PTBP3: variants seen among roughly 807,000 people sequenced by gnomAD.
The protein encoded by PTBP3 is polypyrimidine tract binding protein 3, also known as polypyrimidine tract-binding protein 3.
A neutral mutation model predicts 58.7 loss-of-function variants in PTBP3; 20 were observed. That is an observed-to-expected ratio of 0.34 (90% CI 0.24 to 0.50). The LOEUF is 0.50. PTBP3 is among the 20% of genes least tolerant of loss of function. PTBP3 has a pLI of 0.98. For synonymous variants in PTBP3, 185 were observed against 219.8 expected (o/e 0.84, Z 1.40); for missense variants, 509 against 637.2 (o/e 0.80, Z 2.17).
At chr9:112,333,142 C>A (rs1478186711) in intron 1 of PTBP3, 5 of 1,243,256 alleles carry the variant, frequency 4.0e-6, no homozygotes, top group Non-Finnish European at 5.0e-6. Flanking sequence ...GAGCTGGGCT[C>A]CCCGGACTCG....
chr9:112,248,003 T>C (rs1835955172), intron 7 of PTBP3, among the ~76,000 whole-genome samples: 1 of 152,130 alleles, frequency 6.6e-6, no homozygotes, highest in African/African-American at 2.4e-5. Context: ...ATATTAACAA[T>C]AGGGCAATCT....
the PTBP3 span, among the ~76,000 whole-genome samples, chr9:112,370,706 G>A: frequency 6.6e-6 from 1 of 152,180 alleles, no homozygotes; most frequent in African/African-American, 2.4e-5. Context: ...TATTGAATTT[G>A]TAGATTGCTT....
intron 2 of PTBP3, among the ~76,000 whole-genome samples, chr9:112,279,964 T>C (rs1434470461): frequency 1.3e-5 from 2 of 152,228 alleles, no homozygotes; most frequent in African/African-American, 2.4e-5. Flanking sequence ...GAAATACAAC[T>C]GACTTTGATA....
At chr9:112,244,545 G>A (rs1835803352) in intron 7 of PTBP3, among the ~76,000 whole-genome samples, 1 of 151,910 alleles carries the variant, frequency 6.6e-6, no homozygotes, top group African/African-American at 2.4e-5. Context: ...AGAGCATGGT[G>A]ATGTGTGCCT....
At chr9:112,330,557 G>T in intron 1 of PTBP3, 1 of 873,456 alleles carries the variant, frequency 1.1e-6, no homozygotes, top group South Asian at 1.6e-5. Context: ...AAGAATAAAG[G>T]GGAAAAAGCA....
Position 112,220,254 on chromosome 9 carries a change from G to A in PTBP3, c.*3597C>T. On this transcript the variant is annotated 3_prime_UTR_variant, in exon 14 of 14. Coordinates refer to ENST00000374257, the MANE Select transcript of PTBP3 (RefSeq NM_001163788.4). ...GCTAAACATGTAAGCACTGCTGACT[G>A]ATGGCACGGAGACACTGAAAAGAAC... The A allele has an allele frequency of 7.4e-7, 1 of 1,343,886 alleles. No individual in the cohort carries two copies. Among genetic ancestry groups the A allele is most frequent in the Non-Finnish European group, 9.8e-7 (1 of 1,018,216 alleles). 83.2% of individuals were successfully genotyped at this position (1,343,886 alleles called of 1,614,324 possible).
At chr9:112,361,211 C>T in the PTBP3 span, among the ~76,000 whole-genome samples, 27 of 152,214 alleles carry the variant, frequency 1.8e-4, no homozygotes, top group African/African-American at 6.0e-4. Flanking sequence ...ATTCTCTTGC[C>T]TCAGCCTCCC....
chr9:112,301,927 G>A (rs2132333330), intron 1 of PTBP3, among the ~76,000 whole-genome samples: 1 of 152,168 alleles, frequency 6.6e-6, no homozygotes, highest in South Asian at 2.1e-4. Context: ...AGGACAACAG[G>A]TACTTCATTC....
At chr9:112,270,779 A>G (rs867258558) in intron 3 of PTBP3, among the ~76,000 whole-genome samples, 2 of 152,198 alleles carry the variant, frequency 1.3e-5, no homozygotes, top group South Asian at 2.1e-4. Flanking sequence ...ACTCAGACTC[A>G]CATGGCTTTA....
chr9:112,290,404 G>A (rs546093606), intron 2 of PTBP3, among the ~76,000 whole-genome samples: 2 of 152,046 alleles, frequency 1.3e-5, no homozygotes, highest in Admixed American at 1.3e-4. Flanking sequence ...GCCAGGCATG[G>A]TGGCTCACAC....
chr9:112,272,957 CTA>C (rs1276924350), intron 3 of PTBP3: 1 of 152,216 alleles, frequency 6.6e-6, no homozygotes, highest in Admixed American at 6.5e-5. Flanking sequence ...GCAAGTATCT[CTA>C]AATCAAACTA....
intron 3 of PTBP3, among the ~76,000 whole-genome samples, chr9:112,273,184 CAAAT>C (rs1364252176): frequency 4.6e-5 from 7 of 152,202 alleles, no homozygotes; most frequent in Admixed American, 4.6e-4. Context: ...CCACAATAAA[CAAAT>C]AAAACTCCCC....
chr9:112,297,043 C>T (rs1001479598), intron 2 of PTBP3, among the ~76,000 whole-genome samples: 1 of 152,164 alleles, frequency 6.6e-6, no homozygotes, highest in Admixed American at 6.5e-5. Flanking sequence ...ACTGCTCACT[C>T]TCTTTCCAGT....
chr9:112,256,531 A>G (rs1836372296), intron 5 of PTBP3, among the ~76,000 whole-genome samples: 1 of 151,836 alleles, frequency 6.6e-6, no homozygotes. Flanking sequence ...AGCAATATGC[A>G]ATTTTTTTTT....
chr9:112,263,729 C>T (rs899232476), intron 4 of PTBP3, among the ~76,000 whole-genome samples: 1 of 152,132 alleles, frequency 6.6e-6, no homozygotes, highest in African/African-American at 2.4e-5. Flanking sequence ...ATGGAGGGAA[C>T]TTATGTATCA....
chr9:112,244,309 T>TAAAAAAAAAAAAAAAAAAAA (rs1835790060), intron 7 of PTBP3, among the ~76,000 whole-genome samples: 1 of 44,376 alleles, frequency 2.3e-5, no homozygotes, highest in African/African-American at 9.6e-5. Flanking sequence ...AAAAAAAAAG[T>TAAAAAAAAAAAAAAAAAAAA]TCTCAGGAAT....
At chr9:112,376,617 G>A in the PTBP3 span, among the ~76,000 whole-genome samples, 1 of 152,120 alleles carries the variant, frequency 6.6e-6, no homozygotes, top group Non-Finnish European at 1.5e-5. Context: ...GAGGTGCAAG[G>A]AGAGCCAGTC....
At chr9:112,247,605 T>C (rs915246694) in intron 7 of PTBP3, among the ~76,000 whole-genome samples, 1 of 151,180 alleles carries the variant, frequency 6.6e-6, no homozygotes, top group Non-Finnish European at 1.5e-5. Flanking sequence ...ACAGTCTAGC[T>C]ACTTTGGAGG....
At chr9:112,376,252 GTTT>G in the PTBP3 span, among the ~76,000 whole-genome samples, 9 of 75,006 alleles carry the variant, frequency 1.2e-4, no homozygotes, top group African/African-American at 4.6e-4. Flanking sequence ...AGTTTATTAA[GTTT>G]TTTTTTTTTT....
Sources: gnomAD v4.1 joint callset for allele counts (sites outside exome capture counted in the v4.1 genomes callset) on GRCh38, gnomAD v4.1.1 for gene constraint, MANE v1.5 for transcripts, NCBI Gene and HGNC (gene_info 2026-07-23, HGNC 2026-07-21) for gene names.